The following TINCR variants were observed in gnomAD, a reference collection of about 807,000 sequenced individuals.
The protein encoded by TINCR is TINCR ubiquitin domain containing.
downstream of TINCR, chr19:5,559,240 A>T (rs1258357257): frequency 6.6e-6 from 1 of 151,932 alleles, no homozygotes; most frequent in East Asian, 1.9e-4. Flanking sequence ...TGGGTTGGGG[A>T]CGCCTCAGTT....
At position 5,565,661 on chromosome 19, in the gene TINCR, C is replaced by T. The variant is rs2052124718; in HGVS notation, c.260+2004G>A. On this transcript the variant is annotated intron_variant, in intron 1 of 1. Transcript: ENST00000646160. The surrounding 1 kb of genome is among the most constrained non-coding windows in gnomAD (Gnocchi z 4.0). ...TCATCATCCTCTCAGCCTCCCCGTC[C>T]CCGCTAAGATCTTCCCTCAAGAGGG... Among the ~76,000 whole-genome samples the T allele has an allele frequency of 6.6e-6, 1 of 152,168 alleles. No homozygotes were observed. The highest frequency in any genetic ancestry group is 2.4e-5 in the African/African-American group (1 of 41,440).
At chr19:5,567,068 GGAGA>G (rs757470127) in intron 1 of TINCR, among the ~76,000 whole-genome samples, 12 of 151,774 alleles carry the variant, frequency 7.9e-5, no homozygotes, top group East Asian at 3.9e-4. Context: ...AGACCAAAAT[GGAGA>G]GAGAGACAGA....
chr19:5,561,834 G>C (rs1182861097), downstream of TINCR: 1 of 152,182 alleles, frequency 6.6e-6, no homozygotes, highest in Non-Finnish European at 1.5e-5. Context: ...AGCCCAGAGA[G>C]GAGAAGCAAT....
At chr19:5,564,409 G>A (rs1266926949) in intron 1 of TINCR, among the ~76,000 whole-genome samples, 4 of 152,174 alleles carry the variant, frequency 2.6e-5, no homozygotes, top group African/African-American at 9.7e-5. Context: ...GGGTGGGTTA[G>A]CTGCCTCGGG....
Position 5,567,876 on chromosome 19 carries a change from T to A in TINCR, c.49A>T (p.Lys17Ter), listed in dbSNP as rs2052140233. ...AGCGCCTCGTCCGCCAGGTGCACCT[T>A]GATGTGGTAGCGCTTCCAGCGCGAC... Residue 17 changes from lysine (K) to a stop codon, truncating the protein, a stop_gained, in exon 1 of 2, where the codon AAG becomes TAG. Coordinates refer to ENST00000646160, the Ensembl canonical transcript of TINCR. LOFTEE classifies it high-confidence loss of function. 5.1e-6 allele frequency: 2 copies of A among 391,216 alleles called. No individual in the cohort carries two copies. The highest frequency in any genetic ancestry group is 7.2e-5 in the East Asian group (2 of 27,636). The allele number at this position is 391,216 out of a possible 1,614,324, so 24.2% of individuals were successfully genotyped here.
intron 1 of TINCR, 39 bp downstream of exon 1, chr19:5,567,626 G>GCCTCCCCCCCCCCCCCCCCCCC: frequency 4.9e-6 from 1 of 202,442 alleles, no homozygotes; most frequent in Non-Finnish European, 9.8e-6. Context: ...GTCCCCGGCC[G>GCCTCCCCCCCCCCCCCCCCCCC]CCGCCCCCGC....
chr19:5,564,422 A>G (rs538812715), intron 1 of TINCR, among the ~76,000 whole-genome samples: 14 of 152,314 alleles, frequency 9.2e-5, no homozygotes, highest in Middle Eastern at 6.8e-3. Flanking sequence ...GCCTCGGGAC[A>G]CACAGCCAGT....
Position 5,565,042 on chromosome 19 carries a change from C to G in TINCR, c.261-2093G>C, listed in dbSNP as rs1325443293. 2.0e-5 allele frequency among the ~76,000 whole-genome samples: 3 copies of G among 152,168 alleles called. No homozygotes were observed. The highest frequency in any genetic ancestry group is 2.0e-4 in the Admixed American group (3 of 15,280). On this transcript the variant is annotated intron_variant, in intron 1 of 1. Transcript: ENST00000646160. This position sits in a 1 kb window ranked among gnomAD's most constrained non-coding sequence, Gnocchi z 4.0. The stretch of plus-strand genomic sequence containing the variant: ...AGTCAGGTCCCGTCCCTCCTCTGCC[C>G]ACAGCCCTCTATGGCTCCCACCTCC...
At chr19:5,567,811 G>T (rs942721023) in exon 1 of TINCR, 1 of 394,292 alleles carries the variant, frequency 2.5e-6, no homozygotes, top group Non-Finnish European at 4.5e-6. Flanking sequence ...CGCGCAGGTC[G>T]CTGAGCGTGT....
chr19:5,559,182 G>T (rs768753207), downstream of TINCR: 2 of 152,224 alleles, frequency 1.3e-5, no homozygotes, highest in Non-Finnish European at 2.9e-5. Context: ...TCCACCCCCA[G>T]TGGAGAAGCG....
At chr19:5,562,530 C>A (rs1453647726), downstream of TINCR, 5 of 152,110 alleles carry the variant, frequency 3.3e-5, no homozygotes, top group African/African-American at 7.2e-5. The surrounding 1 kb of genome is among the most constrained non-coding windows in gnomAD (Gnocchi z 4.4). Context: ...GACGGCAGTA[C>A]CCTCACAGAG....
chr19:5,567,007 GAAAT>G (rs1201921785), intron 1 of TINCR, among the ~76,000 whole-genome samples: 1 of 151,554 alleles, frequency 6.6e-6, no homozygotes. Flanking sequence ...ATCAGGGAAA[GAAAT>G]AAACAGAGGC....
intron 1 of TINCR, among the ~76,000 whole-genome samples, chr19:5,566,215 G>C (rs1388154724): frequency 6.6e-6 from 1 of 151,986 alleles, no homozygotes; most frequent in Non-Finnish European, 1.5e-5. Flanking sequence ...AAAATGCAGA[G>C]ACACCAGAGA....
At chr19:5,567,701 T>C (rs2145292331) in exon 1 of TINCR, 2 of 182,390 alleles carry the variant, frequency 1.1e-5, no homozygotes, top group East Asian at 1.2e-4. Context: ...CGAGCCGTCC[T>C]GCAGGCGCGC....
rs1238518863 is a variant in TINCR at position 5,565,540 on chromosome 19, G to C, written c.260+2125C>G. On this transcript the variant is annotated intron_variant, in intron 1 of 1. Transcript: ENST00000646160. The surrounding 1 kb of genome is among the most constrained non-coding windows in gnomAD (Gnocchi z 4.0). ...GCTGACTCTGTACTGCATAATTACA[G>C]TCTGGACGTCTGAGGGTCGTCCAGC... Among the ~76,000 whole-genome samples the C allele has an allele frequency of 6.6e-6, 1 of 152,158 alleles. No homozygotes were observed. Among genetic ancestry groups the C allele is most frequent in the Admixed American group, 6.5e-5 (1 of 15,272 alleles).
chr19:5,562,061 T>C (rs2052104520), downstream of TINCR: 1 of 152,674 alleles, frequency 6.5e-6, no homozygotes, highest in Non-Finnish European at 1.5e-5. This position sits in a 1 kb window ranked among gnomAD's most constrained non-coding sequence, Gnocchi z 4.4. Flanking sequence ...TTTCTCTTTC[T>C]CAACTACTAC....
At chr19:5,558,192 T>C (rs1399195784), downstream of TINCR, 1 of 152,258 alleles carries the variant, frequency 6.6e-6, no homozygotes, top group Non-Finnish European at 1.5e-5. Flanking sequence ...TAATCTTTTA[T>C]TCAGTACACT....
exon 1 of TINCR, chr19:5,567,944 C>T (rs1218427321): frequency 2.6e-6 from 1 of 377,390 alleles, no homozygotes; most frequent in Admixed American, 4.6e-5. Context: ...CCGGCTCCGG[C>T]TCCAGCTCTG....
In TINCR at chr19:5,565,140, C is replaced by T. The variant is rs927210433; in HGVS notation, c.261-2191G>A. On this transcript the variant is annotated intron_variant, in intron 1 of 1. Transcript: ENST00000646160. This position sits in a 1 kb window ranked among gnomAD's most constrained non-coding sequence, Gnocchi z 4.0. ...TGAACTGCCCTGGCCCCTCCCTGCCCTCCCTTCCTCCCTCTCTCCCCCTTG... is the reference window on the plus strand; with the variant it reads ...TGAACTGCCCTGGCCCCTCCCTGCCTTCCCTTCCTCCCTCTCTCCCCCTTG... Among the ~76,000 whole-genome samples, 1 of 152,116 alleles carries T rather than the reference C, an allele frequency of 6.6e-6. No homozygotes were observed. The highest frequency in any genetic ancestry group is 2.4e-5 in the African/African-American group (1 of 41,442).
Sources: allele counts gnomAD v4.1 joint callset (sites outside exome capture counted in the v4.1 genomes callset), GRCh38; gene constraint gnomAD v4.1.1; non-coding constraint Gnocchi (gnomAD v3.1); transcripts MANE v1.5; gene names NCBI Gene and HGNC (gene_info 2026-07-23, HGNC 2026-07-21).